The following HMGB1 variants were observed in gnomAD, a reference collection of about 807,000 sequenced individuals.
HMGB1 encodes high mobility group protein B1.
For synonymous variants in HMGB1, 81 were observed against 84.0 expected, an observed-to-expected ratio of 0.96 and a Z score of 0.19; for missense variants, 79 against 253.5, an observed-to-expected ratio of 0.31 and a Z score of 4.67.
At chr13:30,464,458 C>T (rs1886582269) in intron 1 of HMGB1, 1 of 985,120 alleles carries the variant, frequency 1.0e-6, no homozygotes, top group Admixed American at 6.2e-5. Flanking sequence ...TGGGGTGACT[C>T]CTGCGCGGGG....
chr13:30,603,575 T>A (rs1950424506), intron 1 of HMGB1, among the ~76,000 whole-genome samples: 1 of 152,194 alleles, frequency 6.6e-6, no homozygotes, highest in African/African-American at 2.4e-5. Flanking sequence ...TACTAAAAAG[T>A]CATCCCTCAG....
upstream of HMGB1, among the ~76,000 whole-genome samples, chr13:30,466,949 T>G (rs2137414699): frequency 6.6e-6 from 1 of 152,358 alleles, no homozygotes; most frequent in Admixed American, 6.5e-5. Flanking sequence ...TCCATGTAAC[T>G]GCTCTAGGAT....
At chr13:30,537,267 T>C (rs1271649303) in intron 1 of HMGB1, among the ~76,000 whole-genome samples, 1 of 152,040 alleles carries the variant, frequency 6.6e-6, no homozygotes, top group African/African-American at 2.4e-5. Context: ...CCAAAGCTTT[T>C]TGCATCTCCT....
At chr13:30,577,953 C>A (rs529264400) in intron 1 of HMGB1, among the ~76,000 whole-genome samples, 38 of 152,302 alleles carry the variant, frequency 2.5e-4, no homozygotes, top group African/African-American at 8.9e-4. Flanking sequence ...TTAGAGGCTC[C>A]ATATGAATCC....
At chr13:30,546,393 C>T (rs931894542) in intron 1 of HMGB1, among the ~76,000 whole-genome samples, 22 of 152,148 alleles carry the variant, frequency 1.4e-4, no homozygotes, top group East Asian at 5.8e-4. Flanking sequence ...GGATTACAGG[C>T]GTGAGCCACT....
chr13:30,545,038 T>C (rs895838309), intron 1 of HMGB1, among the ~76,000 whole-genome samples: 2 of 152,206 alleles, frequency 1.3e-5, no homozygotes, highest in Non-Finnish European at 2.9e-5. Flanking sequence ...TTAAAAAAAC[T>C]ATTTTTTTTC....
chr13:30,569,734 A>G lies in HMGB1; in HGVS notation c.-15+46937T>C, dbSNP rs74043506. ...ATCACCTTTCCCAGAGTGCGCTCTC[A>G]TGGATAAAGAGCAGAAGTATAAGTT... On this transcript the variant is annotated intron_variant, in intron 1 of 4. Transcript: ENST00000405805. Among the ~76,000 whole-genome samples the G allele has an allele frequency of 8.4e-3, 1,274 of 152,298 alleles. 24 individuals are homozygous for G. Among genetic ancestry groups the G allele is most frequent in the African/African-American group, 0.028 (1,183 of 41,558 alleles).
intron 1 of HMGB1, among the ~76,000 whole-genome samples, chr13:30,485,529 C>CT (rs58024896): frequency 0.49 from 74,178 of 151,976 alleles, 19,758 homozygotes; most frequent in Non-Finnish European, 0.59. Flanking sequence ...GTACCTATGA[C>CT]TTTTTTTAGA....
intron 1 of HMGB1, among the ~76,000 whole-genome samples, chr13:30,505,724 T>C (rs1433775234): frequency 6.6e-6 from 1 of 152,198 alleles, no homozygotes; most frequent in Non-Finnish European, 1.5e-5. Flanking sequence ...GTTTCCATCT[T>C]ACTCCTATCT....
intron 1 of HMGB1, among the ~76,000 whole-genome samples, chr13:30,522,019 C>T (rs1325968073): frequency 2.0e-5 from 3 of 152,080 alleles, no homozygotes; most frequent in African/African-American, 2.4e-5. Flanking sequence ...ATTCCTTATA[C>T]ACAGTCAATG....
chr13:30,530,444 G>C (rs1042925796), intron 1 of HMGB1, among the ~76,000 whole-genome samples: 3 of 152,170 alleles, frequency 2.0e-5, no homozygotes, highest in African/African-American at 7.2e-5. Context: ...ACTCATACAT[G>C]TACTGCTGGG....
rs1173255641 is a variant in HMGB1, at chr13:30,460,892, T to C, written c.*465A>G. On this transcript the variant is annotated 3_prime_UTR_variant, in exon 5 of 5. Coordinates refer to ENST00000341423, the MANE Select transcript of HMGB1 (RefSeq NM_002128.7). Reference sequence around the variant, plus strand: ...TTCAGACCTATGAAAAGGACAACAATACTAATAAAAAAAATTGTATTTACT... The same window carrying C: ...TTCAGACCTATGAAAAGGACAACAACACTAATAAAAAAAATTGTATTTACT... The C allele has an allele frequency of 1.5e-6, 1 of 688,400 alleles. No homozygotes were observed. The highest frequency in any genetic ancestry group is 2.0e-5 in the African/African-American group (1 of 50,892). 42.6% of individuals were successfully genotyped at this position (688,400 alleles called of 1,614,324 possible).
At chr13:30,572,190 G>C (rs1306452019) in intron 1 of HMGB1, among the ~76,000 whole-genome samples, 3 of 152,214 alleles carry the variant, frequency 2.0e-5, no homozygotes, top group Admixed American at 2.0e-4. Context: ...ATCAGGGTAA[G>C]TGTGTTGATA....
At chr13:30,569,835 T>C (rs1870352298) in intron 1 of HMGB1, among the ~76,000 whole-genome samples, 1 of 152,160 alleles carries the variant, frequency 6.6e-6, no homozygotes, top group Non-Finnish European at 1.5e-5. Flanking sequence ...GACACCAAAA[T>C]CAAATGTAAA....
chr13:30,493,385 G>A (rs1250558209), intron 1 of HMGB1, among the ~76,000 whole-genome samples: 1 of 152,210 alleles, frequency 6.6e-6, no homozygotes, highest in Admixed American at 6.5e-5. Flanking sequence ...TAATCGGTAA[G>A]TGGCAGAAAG....
chr13:30,566,340 A>G (rs1221880180), intron 1 of HMGB1, among the ~76,000 whole-genome samples: 1 of 152,222 alleles, frequency 6.6e-6, no homozygotes, highest in Non-Finnish European at 1.5e-5. Context: ...AAGGGGCCAG[A>G]GAGTAAATGT....
chr13:30,513,742 TCCATGTATGGATTAAC>T (rs1319196386), intron 1 of HMGB1, among the ~76,000 whole-genome samples: 1 of 152,172 alleles, frequency 6.6e-6, no homozygotes, highest in Admixed American at 6.5e-5. Flanking sequence ...AACCCATTAA[TCCATGTATGGATTAAC>T]CCATTCACAA....
intron 1 of HMGB1, among the ~76,000 whole-genome samples, chr13:30,604,451 C>G (rs1414260397): frequency 6.6e-6 from 1 of 152,114 alleles, no homozygotes; most frequent in Non-Finnish European, 1.5e-5. Context: ...ACTGTTGGGG[C>G]GGAGTGCTAC....
At chr13:30,605,847 A>G (rs1019516175) in intron 1 of HMGB1, among the ~76,000 whole-genome samples, 12 of 152,218 alleles carry the variant, frequency 7.9e-5, no homozygotes, top group African/African-American at 2.4e-4. Flanking sequence ...ATTTAATGCC[A>G]TATGTTTTCC....
Sources: allele counts gnomAD v4.1 joint callset (sites outside exome capture counted in the v4.1 genomes callset), GRCh38; gene constraint gnomAD v4.1.1; transcripts MANE v1.5; gene names NCBI Gene and HGNC (gene_info 2026-07-23, HGNC 2026-07-21).